QRICH2: variants seen among roughly 807,000 people sequenced by gnomAD.
QRICH2 encodes the protein glutamine-rich protein 2.
Under a neutral mutation model 168.3 loss-of-function variants are expected in QRICH2, and 119 were observed. The ratio of observed to expected loss-of-function variants is 0.71; its 90% CI spans 0.61 to 0.82. The LOEUF (loss-of-function observed/expected upper bound fraction) is 0.82. Among genes scored for constraint, QRICH2 ranks in the 40% least tolerant of loss-of-function variants. QRICH2 has a pLI of 0.00. For synonymous variants in QRICH2, 894 were observed against 951.2 expected (o/e 0.94, Z 1.11); for missense variants, 2,241 against 2,491.6 (o/e 0.90, Z 2.14).
At chr17:76,301,487 G>C (rs2070897902) in intron 3 of QRICH2, 2 of 227,376 alleles carry the variant, frequency 8.8e-6, no homozygotes, top group Non-Finnish European at 1.9e-5. Flanking sequence ...AGGATTGCTT[G>C]AGCCCCAGAG....
intron 6 of QRICH2, 119 bp from the exon 7 acceptor site, chr17:76,287,425 C>T (rs757435950): frequency 2.7e-6 from 2 of 733,564 alleles, no homozygotes; most frequent in Non-Finnish European, 4.8e-6. Context: ...CCCTCCACCC[C>T]CCTCCAATGG....
chr17:76,309,863 G>C (rs2071050952), upstream of QRICH2: 1 of 152,168 alleles, frequency 6.6e-6, no homozygotes, highest in East Asian at 1.9e-4. Context: ...TTCAAGTTCA[G>C]ATTTTTCACT....
In QRICH2 at chr17:76,292,578, G is replaced by T. The variant is rs775619716; in HGVS notation, c.2149C>A (p.Gln717Lys). 4 of 1,614,076 alleles carry T rather than the reference G, an allele frequency of 2.5e-6. No homozygotes were observed. The highest frequency in any genetic ancestry group is 3.4e-6 in the Non-Finnish European group (4 of 1,179,982). ...GCACCAGGTTGAGCCAAATCACTCT[G>T]ATCTGCACCAGATTGTACCAAACCA... ...QHGLVQSGAD[Q>K]SDLAQPGAVQ... The change falls in exon 4 of 19, where the codon CAG becomes AAG. Residue 717 changes from glutamine to lysine, a missense_variant. Physicochemically the swap from Gln to Lys is moderately conservative, Grantham distance 53. Around this residue, in one of 3 missense-constraint regions of QRICH2, gnomAD observed 2,047 missense variants for 2,303.8 expected, o/e 0.89. Transcript: ENST00000680821.
rs754230000 is a variant in QRICH2, at chr17:76,291,130, C to T, written c.3597G>A (p.Leu1199=). 6.8e-6 allele frequency: 11 copies of T among 1,614,208 alleles called. No individual in the cohort carries two copies. The South Asian group carries it at 1.1e-4, about 16-fold the overall frequency. Reference sequence around the variant, plus strand: ...CATAGAGGCTACTGAGCTCTCCCATCAGATGAAATGTCTCCACTGCCGTGG... The same window carrying T: ...CATAGAGGCTACTGAGCTCTCCCATTAGATGAAATGTCTCCACTGCCGTGG... ...SFPTAVETFH[L]MGELSSLYVG... The change falls in exon 4 of 19, where the codon CTG becomes CTA. Residue 1199 remains leucine (L), a synonymous_variant. Coordinates refer to ENST00000680821, the MANE Select transcript of QRICH2 (RefSeq NM_001388453.1).
At chr17:76,303,605 T>G (rs2070939815) in intron 3 of QRICH2, among the ~76,000 whole-genome samples, 1 of 151,158 alleles carries the variant, frequency 6.6e-6, no homozygotes, top group Non-Finnish European at 1.5e-5. Context: ...GCGCGGTGGC[T>G]CACGCCTGTA....
chr17:76,291,203 AC>A lies in QRICH2; in HGVS notation c.3523del (p.Val1175SerfsTer2). ...CAGTGAATTGCGTCGCTCACTCAGG[AC>A]TTCACTCGAGACTTCGCTCCCTTCT... The part of the protein sequence containing the change: ...LSEGSEVSSE[V>X]LSERRNSLRR... On this transcript the variant is annotated frameshift_variant, in exon 4 of 19. Transcript: ENST00000680821. LOFTEE classifies it high-confidence loss of function. 6.2e-7 allele frequency: 1 copy of A among 1,614,178 alleles called. No homozygotes were observed.
chr17:76,299,005 C>T (rs2070852722), intron 3 of QRICH2, among the ~76,000 whole-genome samples: 1 of 152,096 alleles, frequency 6.6e-6, no homozygotes, highest in Non-Finnish European at 1.5e-5. Context: ...ATTAGTGGGC[C>T]ATGGTGACAG....
At position 76,291,385 on chromosome 17, in the gene QRICH2, A is replaced by G; in HGVS notation, c.3342T>C (p.Arg1114=). 6.2e-7 allele frequency: 1 copy of G among 1,614,146 alleles called. No homozygotes were observed. Among genetic ancestry groups the G allele is most frequent in the South Asian group, 1.1e-5 (1 of 91,082 alleles). Residue 1114 remains arginine, a synonymous_variant, in exon 4 of 19, where the codon CGT becomes CGC. Transcript: ENST00000680821. ...GATCAGCACTTAGATACCCTGGGCC[A>G]CGATAACCAGGATACATTGAATCAT... The part of the protein sequence containing the change: ...DSHDSMYPGY[R]GPGYLSADQH...
chr17:76,304,404 C>T lies in QRICH2; in HGVS notation c.705+11G>A. 6.3e-7 allele frequency: 1 copy of T among 1,594,862 alleles called. No individual in the cohort carries two copies. Among genetic ancestry groups the T allele is most frequent in the Non-Finnish European group, 8.6e-7 (1 of 1,164,878 alleles). The stretch of plus-strand genomic sequence containing the variant: ...CACCCAAGACCACGGCCCAGGCCCC[C>T]ACTGGTTCACCGCTTGTGAGGCTCT... On this transcript the variant is annotated intron_variant, in intron 3 of 18. Coordinates refer to ENST00000680821, the MANE Select transcript of QRICH2 (RefSeq NM_001388453.1).
rs376672093 is a variant in QRICH2 at position 76,280,994 on chromosome 17, C to T, written c.4264-41G>A. On this transcript the variant is annotated intron_variant, in intron 8 of 18. Coordinates refer to ENST00000680821, the MANE Select transcript of QRICH2 (RefSeq NM_001388453.1). The surrounding 1 kb of genome is among the most constrained non-coding windows in gnomAD (Gnocchi z 7.4). ...TGGGAAGGCTCTCGGAGGCTGCTGG[C>T]GCGATCCCACCCCCTGCTGCCATAA... 281 of 1,593,146 alleles carry T rather than the reference C, an allele frequency of 1.8e-4. No individual in the cohort carries two copies. Among genetic ancestry groups the T allele is most frequent in the Non-Finnish European group, 2.2e-4 (255 of 1,175,868 alleles).
At chr17:76,275,790 G>A in intron 18 of QRICH2, 29 bp downstream of exon 18, 2 of 1,599,628 alleles carry the variant, frequency 1.3e-6, no homozygotes, top group East Asian at 2.2e-5. Flanking sequence ...GGGAGGCCTG[G>A]CAGGACGCCC....
rs545220045 is a variant in QRICH2 at position 76,307,028 on chromosome 17, T to C, written c.534+437A>G. Among the ~76,000 whole-genome samples the C allele has an allele frequency of 6.6e-6, 1 of 152,274 alleles. No individual in the cohort carries two copies. Among genetic ancestry groups the C allele is most frequent in the East Asian group, 1.9e-4 (1 of 5,182 alleles). ...CTCAACACGTATCTCTTCATGTCCT[T>C]ATTCATTTTAAAAAGGGAATTCACT... On this transcript the variant is annotated intron_variant, in intron 1 of 18. Coordinates refer to ENST00000680821, the MANE Select transcript of QRICH2 (RefSeq NM_001388453.1). This position sits in a 1 kb window ranked among gnomAD's most constrained non-coding sequence, Gnocchi z 5.3.
intron 7 of QRICH2, among the ~76,000 whole-genome samples, chr17:76,283,806 G>A (rs1242905728): frequency 2.1e-5 from 3 of 142,062 alleles, no homozygotes; most frequent in Admixed American, 6.7e-5. Flanking sequence ...CCTGGGAGAC[G>A]GAGGTTGCAG....
upstream of QRICH2, chr17:76,308,460 G>T: frequency 1.0e-6 from 1 of 985,420 alleles, no homozygotes. Context: ...GAAAGGCCAG[G>T]ATTCACTCAC....
At chr17:76,297,241 C>T (rs988920353) in intron 3 of QRICH2, among the ~76,000 whole-genome samples, 2 of 152,054 alleles carry the variant, frequency 1.3e-5, no homozygotes, top group Non-Finnish European at 2.9e-5. Context: ...GTGTGGTGTC[C>T]CACACCGGTA....
chr17:76,303,872 C>CA (rs67296304), intron 3 of QRICH2, among the ~76,000 whole-genome samples: 23,527 of 71,478 alleles, frequency 0.33, 3,653 homozygotes, highest in East Asian at 0.56. Context: ...AACTCTGTCT[C>CA]AAAAAAAAAA....
In QRICH2 at chr17:76,280,821, G is replaced by A. The variant is rs770460110; in HGVS notation, c.4386+10C>T. 15 of 1,613,924 alleles carry A rather than the reference G, an allele frequency of 9.3e-6. No individual in the cohort carries two copies. The highest frequency in any genetic ancestry group is 1.1e-5 in the Non-Finnish European group (13 of 1,180,006). ...CCCGGCCCCATCCCAGCCACCCTGC[G>A]GCCGCTCACAGCAATGTCCTTCTGT... On this transcript the variant is annotated intron_variant, in intron 9 of 18. Coordinates refer to ENST00000680821, the MANE Select transcript of QRICH2 (RefSeq NM_001388453.1). This position sits in a 1 kb window ranked among gnomAD's most constrained non-coding sequence, Gnocchi z 7.4.
Position 76,292,513 on chromosome 17 carries a change from A to T in QRICH2, c.2214T>A (p.Arg738=). 6.4e-7 allele frequency: 1 copy of T among 1,569,480 alleles called. No individual in the cohort carries two copies. The highest frequency in any genetic ancestry group is 8.7e-7 in the Non-Finnish European group (1 of 1,151,332). ...HGLVQPGVDQ[R]GLAQPRADHQ... Reference sequence around the variant, plus strand: ...GATCTGCACGAGGTTGTGCCAAACCACGCTGATCTACTCCAGGTTGGACCA... The same window carrying T: ...GATCTGCACGAGGTTGTGCCAAACCTCGCTGATCTACTCCAGGTTGGACCA... Residue 738 remains arginine, a synonymous_variant, in exon 4 of 19, where the codon CGT becomes CGA. Transcript: ENST00000680821.
chr17:76,287,354 C>T, intron 6 of QRICH2, 48 bp from the exon 7 acceptor site: 1 of 1,371,404 alleles, frequency 7.3e-7, no homozygotes, highest in Non-Finnish European at 1.0e-6. Context: ...CAGGCCAGAC[C>T]CATGCAGAGC....
Sources: allele counts gnomAD v4.1 joint callset (sites outside exome capture counted in the v4.1 genomes callset), GRCh38; gene constraint gnomAD v4.1.1; regional missense constraint gnomAD v4.1.1; non-coding constraint Gnocchi (gnomAD v3.1); transcripts MANE v1.5; gene names NCBI Gene and HGNC (gene_info 2026-07-23, HGNC 2026-07-21).